EML5: variants seen among roughly 807,000 people sequenced by gnomAD.
EML5 encodes the protein echinoderm microtubule-associated protein-like 5.
A neutral mutation model predicts 250.0 loss-of-function variants in EML5; 120 were observed. The observed-to-expected ratio is 0.48, with a 90% confidence interval of 0.41 to 0.56. The LOEUF is 0.56. Ranked by LOEUF, EML5 falls within the 20% of genes least tolerant of loss-of-function variation. EML5 has a pLI of 0.00. For missense variants in EML5, 2,006 were observed against 2,437.6 expected, an observed-to-expected ratio of 0.82 and a Z score of 3.73; for synonymous variants, 771 against 806.5, an observed-to-expected ratio of 0.96 and a Z score of 0.75.
At chr14:88,665,570 T>A in intron 21 of EML5, 81 bp from the exon 22 acceptor site, 17 of 1,569,538 alleles carry the variant, frequency 1.1e-5, no homozygotes, top group Non-Finnish European at 1.5e-5. Context: ...CTCATGCCTA[T>A]AATCCAAGCA....
At chr14:88,624,705 TAAGAA>T in intron 36 of EML5, 1 of 396,902 alleles carries the variant, frequency 2.5e-6, no homozygotes, top group Middle Eastern at 7.1e-4. Context: ...ATACAGACAT[TAAGAA>T]AAGTAACTCA....
At chr14:88,702,144 C>G (rs1040492521) in intron 14 of EML5, among the ~76,000 whole-genome samples, 2 of 151,946 alleles carry the variant, frequency 1.3e-5, no homozygotes, top group Admixed American at 1.3e-4. Flanking sequence ...CACCAGATTT[C>G]TAGTCTTTAT....
chr14:88,669,697 T>C (rs979404592), intron 21 of EML5, among the ~76,000 whole-genome samples: 3 of 152,138 alleles, frequency 2.0e-5, no homozygotes, highest in East Asian at 1.9e-4. Context: ...TCAGGACAAG[T>C]GGGATTTCCC....
chr14:88,705,351 G>A, intron 12 of EML5, 131 bp downstream of exon 12: 1 of 742,238 alleles, frequency 1.3e-6, no homozygotes, highest in Non-Finnish European at 2.2e-6. Flanking sequence ...ACTGACAGTG[G>A]GAAAACTAAT....
chr14:88,717,287 G>T (rs1004224350), intron 8 of EML5, among the ~76,000 whole-genome samples: 1 of 152,220 alleles, frequency 6.6e-6, no homozygotes, highest in Non-Finnish European at 1.5e-5. Flanking sequence ...AGTTCAGCTT[G>T]TGACGGCCAC....
intron 11 of EML5, 26 bp downstream of exon 11, chr14:88,706,233 C>T: frequency 3.9e-6 from 6 of 1,534,556 alleles, no homozygotes; most frequent in Non-Finnish European, 5.2e-6. Flanking sequence ...GACAGGGAAA[C>T]TGTTTAGCTA....
intron 13 of EML5, 40 bp downstream of exon 13, chr14:88,704,820 C>A (rs1339391664): frequency 2.0e-6 from 3 of 1,528,974 alleles, no homozygotes; most frequent in African/African-American, 2.7e-5. Flanking sequence ...AAGTGTGAAC[C>A]AAAATTCAAA....
intron 4 of EML5, among the ~76,000 whole-genome samples, chr14:88,742,963 G>C (rs1031796583): frequency 6.6e-6 from 1 of 152,062 alleles, no homozygotes; most frequent in African/African-American, 2.4e-5. Context: ...ACATCAGACA[G>C]TGGAAGTAAA....
At chr14:88,721,277 A>T (rs1299735059) in intron 8 of EML5, among the ~76,000 whole-genome samples, 1 of 152,180 alleles carries the variant, frequency 6.6e-6, no homozygotes, top group Non-Finnish European at 1.5e-5. Flanking sequence ...TTAAGACATC[A>T]TATGGAACCA....
intron 36 of EML5, chr14:88,624,525 G>T (rs1301881780): frequency 6.4e-6 from 1 of 155,964 alleles, no homozygotes; most frequent in Non-Finnish European, 1.4e-5. Context: ...TTTGCCTCAA[G>T]CAAAAGGAAA....
At chr14:88,748,152 G>T (rs2094036081) in intron 2 of EML5, among the ~76,000 whole-genome samples, 1 of 152,146 alleles carries the variant, frequency 6.6e-6, no homozygotes. Flanking sequence ...CCTAGAATTT[G>T]CAGAGCAGGA....
chr14:88,716,272 C>A (rs997506100), intron 8 of EML5, among the ~76,000 whole-genome samples: 5 of 152,098 alleles, frequency 3.3e-5, no homozygotes, highest in African/African-American at 1.2e-4. Flanking sequence ...CAAGATAAAT[C>A]CAAGATTGTA....
intron 1 of EML5, among the ~76,000 whole-genome samples, chr14:88,788,343 A>G (rs1323544816): frequency 6.6e-6 from 1 of 152,224 alleles, no homozygotes. Context: ...TTTTTTCTTA[A>G]GAACACGATT....
intron 14 of EML5, among the ~76,000 whole-genome samples, chr14:88,698,893 T>C (rs1290572372): frequency 6.6e-6 from 1 of 152,212 alleles, no homozygotes; most frequent in East Asian, 1.9e-4. Flanking sequence ...TTGACTCATG[T>C]ACCAATCACA....
rs1555374467 is a variant in EML5 at position 88,759,698 on chromosome 14, A to AAACAAAAAAAAAAC, written c.198-5028_198-5027insGTTTTTTTTTTGTT. 4.9e-5 allele frequency among the ~76,000 whole-genome samples: 7 copies of AAACAAAAAAAAAAC among 142,108 alleles called. 1 individual carries two copies. The highest frequency in any genetic ancestry group is 6.9e-5 in the Admixed American group (1 of 14,432). 93.2% of individuals were successfully genotyped at this position (142,108 alleles called of 152,430 possible). A position where few individuals can be genotyped will look rare whatever the true frequency, so the allele number is the denominator to read the frequency against. On this transcript the variant is annotated intron_variant, in intron 1 of 43. Transcript: ENST00000554922. ...GTCACCATCTCTTAAAAAAAAAAAA[A>AAACAAAAAAAAAAC]AAAAAACTGGGGAGAAAAACTATGC...
intron 7 of EML5, among the ~76,000 whole-genome samples, chr14:88,735,236 G>T (rs1227527711): frequency 6.6e-6 from 1 of 152,130 alleles, no homozygotes; most frequent in Admixed American, 6.5e-5. Context: ...CTGAGAATTT[G>T]CATTTCTTAC....
chr14:88,763,228 G>C (rs1424695200), intron 1 of EML5, among the ~76,000 whole-genome samples: 3 of 151,802 alleles, frequency 2.0e-5, no homozygotes, highest in Non-Finnish European at 2.9e-5. Flanking sequence ...CTGTTTTTTT[G>C]AAAAGATAAC....
intron 2 of EML5, among the ~76,000 whole-genome samples, chr14:88,753,746 T>C (rs1258774083): frequency 1.3e-5 from 2 of 152,214 alleles, no homozygotes; most frequent in Non-Finnish European, 2.9e-5. Flanking sequence ...TCCTTTGTTG[T>C]GAACTTTGAT....
intron 1 of EML5, among the ~76,000 whole-genome samples, chr14:88,789,347 C>T (rs957725809): frequency 6.6e-6 from 1 of 151,956 alleles, no homozygotes; most frequent in Non-Finnish European, 1.5e-5. Context: ...AAACTAATTG[C>T]CATATAAACC....
Sources: allele counts gnomAD v4.1 joint callset (sites outside exome capture counted in the v4.1 genomes callset), GRCh38; gene constraint gnomAD v4.1.1; transcripts MANE v1.5; gene names NCBI Gene and HGNC (gene_info 2026-07-23, HGNC 2026-07-21).